ADARB2: variants seen among roughly 807,000 people sequenced by gnomAD.
ADARB2 encodes adenosine deaminase RNA specific B2 (inactive).
In ADARB2, 25 loss-of-function variants were observed where a neutral mutation model predicts 62.2. That is an observed-to-expected ratio of 0.40 (90% CI 0.29 to 0.56). The LOEUF (loss-of-function observed/expected upper bound fraction) is 0.56. Among genes scored for constraint, ADARB2 ranks in the 20% least tolerant of loss-of-function variants. The pLI, the probability that ADARB2 is intolerant of heterozygous loss-of-function variation, is 0.43. For synonymous variants in ADARB2, 572 were observed against 500.8 expected (o/e 1.14, Z -1.90); for missense variants, 1,071 against 1,077.4 (o/e 0.99, Z 0.08).
chr10:1,566,063 C>CAAAAAAAAAAAAAA lies in ADARB2; in HGVS notation c.100+170974_100+170987dup, dbSNP rs376967105. On this transcript the variant is annotated intron_variant, in intron 1 of 9. Transcript: ENST00000381312. ...CTCCTCTAGGTTGAGCTCAGTCTAG[C>CAAAAAAAAAAAAAA]AAAAAAAAAAAAAAAAAAAAAAAAA... Among the ~76,000 whole-genome samples, 2 of 128,060 alleles carry CAAAAAAAAAAAAAA rather than the reference C, an allele frequency of 1.6e-5. 1 individual carries two copies. The highest frequency in any genetic ancestry group is 4.2e-4 in the East Asian group (2 of 4,708). The allele number at this position is 128,060 out of a possible 152,430, so 84.0% of individuals were successfully genotyped here. A position where few individuals can be genotyped will look rare whatever the true frequency, so the allele number is the denominator to read the frequency against.
At position 1,669,271 on chromosome 10, in the gene ADARB2, C is replaced by T. The variant is rs1834350588; in HGVS notation, c.100+67780G>A. On this transcript the variant is annotated intron_variant, in intron 1 of 9. Transcript: ENST00000381312. Reference sequence around the variant, plus strand: ...GAGGAGATGATACCACGCGTGTCTCCCAGGGGGGTTGACACCAACCCCTAG... The same window carrying T: ...GAGGAGATGATACCACGCGTGTCTCTCAGGGGGGTTGACACCAACCCCTAG... 2.0e-5 allele frequency among the ~76,000 whole-genome samples: 3 copies of T among 152,160 alleles called. No individual in the cohort carries two copies. The South Asian group carries it at 6.2e-4, about 32-fold the overall frequency.
chr10:1,461,765 C>T (rs754811816), intron 1 of ADARB2, among the ~76,000 whole-genome samples: 1 of 151,912 alleles, frequency 6.6e-6, no homozygotes, highest in African/African-American at 2.4e-5. Context: ...TTTGGGAGGC[C>T]GAGGCGGGCA....
At chr10:1,466,371 G>A (rs1426487488) in intron 1 of ADARB2, among the ~76,000 whole-genome samples, 1 of 152,216 alleles carries the variant, frequency 6.6e-6, no homozygotes, top group African/African-American at 2.4e-5. Context: ...TTGCATGTTA[G>A]GGAAATTTGA....
chr10:1,274,285 G>A (rs766751475), intron 3 of ADARB2, among the ~76,000 whole-genome samples: 4 of 152,242 alleles, frequency 2.6e-5, no homozygotes, highest in African/African-American at 7.2e-5. Flanking sequence ...TCTGTCCCAC[G>A]GGGTTCACTG....
chr10:1,386,258 C>A (rs1832524486), intron 1 of ADARB2, among the ~76,000 whole-genome samples: 1 of 151,370 alleles, frequency 6.6e-6, no homozygotes, highest in Non-Finnish European at 1.5e-5. Context: ...GAAAGAGAAA[C>A]AAAAAAATTG....
chr10:1,535,710 A>G (rs191461131), intron 1 of ADARB2: 6 of 167,148 alleles, frequency 3.6e-5, no homozygotes, highest in African/African-American at 1.4e-4. Flanking sequence ...GACTCTGTCG[A>G]CATAACTCAC....
chr10:1,708,579 G>T (rs1268967956), intron 1 of ADARB2, among the ~76,000 whole-genome samples: 2 of 152,192 alleles, frequency 1.3e-5, no homozygotes, highest in African/African-American at 4.8e-5. Flanking sequence ...GCTACAAGAA[G>T]AAGAATGTTC....
chr10:1,551,461 A>T (rs1016465993), intron 1 of ADARB2, among the ~76,000 whole-genome samples: 1 of 152,214 alleles, frequency 6.6e-6, no homozygotes, highest in Non-Finnish European at 1.5e-5. Context: ...CAGAAGATGC[A>T]AAAGAGGCAG....
chr10:1,536,876 C>T (rs540501198), intron 1 of ADARB2, among the ~76,000 whole-genome samples: 1 of 152,272 alleles, frequency 6.6e-6, no homozygotes, highest in South Asian at 2.1e-4. Context: ...AAAACCTAGG[C>T]AATGCCATTC....
At chr10:1,679,263 G>A (rs182815123) in intron 1 of ADARB2, among the ~76,000 whole-genome samples, 30 of 152,180 alleles carry the variant, frequency 2.0e-4, no homozygotes, top group Non-Finnish European at 1.2e-4. Flanking sequence ...TATTAATAGT[G>A]CCCTCTCTCA....
At chr10:1,308,285 T>C (rs1045187361) in intron 3 of ADARB2, among the ~76,000 whole-genome samples, 3 of 152,136 alleles carry the variant, frequency 2.0e-5, no homozygotes, top group African/African-American at 7.2e-5. Context: ...GCTTTCTGGA[T>C]GGACTTATTT....
intron 3 of ADARB2, among the ~76,000 whole-genome samples, chr10:1,321,853 C>T (rs1354126620): frequency 2.6e-5 from 4 of 151,934 alleles, no homozygotes; most frequent in Non-Finnish European, 5.9e-5. Flanking sequence ...GGACATCATT[C>T]CTGCCTGTGG....
intron 1 of ADARB2, among the ~76,000 whole-genome samples, chr10:1,672,522 C>A (rs1834400146): frequency 6.6e-6 from 1 of 152,198 alleles, no homozygotes; most frequent in Non-Finnish European, 1.5e-5. Context: ...TCTCCAAGAG[C>A]CCGCCTTTTC....
In ADARB2 at chr10:1,608,144, G is replaced by A. The variant is rs150924494; in HGVS notation, c.100+128907C>T. On this transcript the variant is annotated intron_variant, in intron 1 of 9. Transcript: ENST00000381312. ...AACAAGATCCATGCAAATGGAAAGT[G>A]ATTTGACATAGTATAAAAGTCTGTG... 4.6e-5 allele frequency among the ~76,000 whole-genome samples: 7 copies of A among 152,346 alleles called. No individual in the cohort carries two copies. The East Asian group carries it at 1.2e-3, about 25-fold the overall frequency.
intron 1 of ADARB2, among the ~76,000 whole-genome samples, chr10:1,569,208 C>CAG (rs896435442): frequency 7.3e-5 from 11 of 151,328 alleles, no homozygotes; most frequent in Non-Finnish European, 1.0e-4. Context: ...GAGACAGAGG[C>CAG]AGAGAGAGAG....
chr10:1,618,610 T>C lies in ADARB2; in HGVS notation c.100+118441A>G, dbSNP rs191924226. 4.8e-4 allele frequency among the ~76,000 whole-genome samples: 73 copies of C among 152,176 alleles called. 1 individual carries two copies. The highest frequency in any genetic ancestry group is 1.7e-3 in the African/African-American group (69 of 41,490). ...CATATGCTGGAGTGCAGTGGCCCAA[T>C]ATTGGCTGACTGCAACCTCCATCCC... On this transcript the variant is annotated intron_variant, in intron 1 of 9. Coordinates refer to ENST00000381312, the MANE Select transcript of ADARB2 (RefSeq NM_018702.4).
intron 3 of ADARB2, among the ~76,000 whole-genome samples, chr10:1,333,973 C>G (rs768124226): frequency 2.0e-5 from 3 of 152,130 alleles, no homozygotes; most frequent in Non-Finnish European, 2.9e-5. Context: ...GCCCGTAGCC[C>G]CATTATAGAA....
intron 1 of ADARB2, among the ~76,000 whole-genome samples, chr10:1,583,279 T>C (rs1022098732): frequency 1.3e-5 from 2 of 152,264 alleles, no homozygotes; most frequent in East Asian, 1.9e-4. Flanking sequence ...TAAAAACAGT[T>C]GTAGAATTGT....
chr10:1,556,555 C>T (rs933046212), intron 1 of ADARB2: 7 of 398,590 alleles, frequency 1.8e-5, no homozygotes, highest in African/African-American at 8.4e-5. Context: ...CTGGAGATTT[C>T]GACTCCATGG....
Sources: gnomAD v4.1 joint callset for allele counts (sites outside exome capture counted in the v4.1 genomes callset) on GRCh38, gnomAD v4.1.1 for gene constraint, MANE v1.5 for transcripts, NCBI Gene and HGNC (gene_info 2026-07-23, HGNC 2026-07-21) for gene names.